ZNF516: variants seen among roughly 807,000 people sequenced by gnomAD.
The protein encoded by ZNF516 is zinc finger protein 516.
ZNF516 carries 19 observed loss-of-function variants against 79.7 expected under a neutral mutation model. The observed-to-expected ratio is 0.24, with a 90% CI of 0.17 to 0.35. ZNF516 has a LOEUF of 0.35. Ranked by LOEUF, ZNF516 falls within the 10% of genes least tolerant of loss-of-function variation. The probability of loss-of-function intolerance (pLI) is 1.00; values close to 1 mark genes in which losing one functional copy is unlikely to be tolerated. For missense variants in ZNF516, 1,678 were observed against 1,679.5 expected (o/e 1.00, Z 0.02); for synonymous variants, 877 against 739.5 (o/e 1.19, Z -3.02).
At chr18:76,407,164 A>C (rs689642) in intron 3 of ZNF516, among the ~76,000 whole-genome samples, 86,552 of 151,890 alleles carry the variant, frequency 0.57, 24,794 homozygotes, top group South Asian at 0.68. Flanking sequence ...CTATCATCTC[A>C]ACACTCTGGA....
At chr18:76,386,781 T>G (rs2074998707) in intron 3 of ZNF516, 1 of 152,224 alleles carries the variant, frequency 6.6e-6, no homozygotes, top group Non-Finnish European at 1.5e-5. Flanking sequence ...TTCAAGATTT[T>G]CCAGTTCTAT....
chr18:76,418,210 CTA>C (rs1317870771), intron 3 of ZNF516, among the ~76,000 whole-genome samples: 1 of 152,026 alleles, frequency 6.6e-6, no homozygotes, highest in Non-Finnish European at 1.5e-5. Flanking sequence ...GTAACACACG[CTA>C]TAACACACTG....
intron 3 of ZNF516, among the ~76,000 whole-genome samples, chr18:76,397,863 AG>A (rs1184849183): frequency 1.3e-5 from 2 of 152,206 alleles, no homozygotes; most frequent in Admixed American, 6.5e-5. Context: ...TCCAAGTGCT[AG>A]GATTACAGAC....
intron 3 of ZNF516, among the ~76,000 whole-genome samples, chr18:76,394,965 C>T (rs746056999): frequency 1.3e-5 from 2 of 152,116 alleles, no homozygotes; most frequent in Non-Finnish European, 2.9e-5. Context: ...CTGGAAGAAC[C>T]GGATGATATC....
intron 3 of ZNF516, among the ~76,000 whole-genome samples, chr18:76,436,170 A>G (rs2075731383): frequency 2.0e-5 from 3 of 152,124 alleles, no homozygotes; most frequent in Non-Finnish European, 4.4e-5. Flanking sequence ...TCTGCTTTTT[A>G]CCTTTACCCA....
chr18:76,374,738 T>G (rs1192575550), intron 4 of ZNF516, among the ~76,000 whole-genome samples: 1 of 152,128 alleles, frequency 6.6e-6, no homozygotes, highest in African/African-American at 2.4e-5. Context: ...CTCCCCAAAC[T>G]ACAAAATGAT....
chr18:76,488,804 G>A (rs1290553350), intron 1 of ZNF516, among the ~76,000 whole-genome samples: 2 of 152,142 alleles, frequency 1.3e-5, no homozygotes, highest in African/African-American at 4.8e-5. Flanking sequence ...TTGGCCAGCT[G>A]AAAACCAAAG....
chr18:76,411,604 G>A (rs1230285348), intron 3 of ZNF516, among the ~76,000 whole-genome samples: 3 of 152,154 alleles, frequency 2.0e-5, no homozygotes, highest in Non-Finnish European at 4.4e-5. Context: ...CAAAAGCATG[G>A]AAGGATGTGT....
At chr18:76,407,172 G>C (rs576362586) in intron 3 of ZNF516, among the ~76,000 whole-genome samples, 1 of 152,256 alleles carries the variant, frequency 6.6e-6, no homozygotes, top group East Asian at 1.9e-4. Flanking sequence ...TCAACACTCT[G>C]GAAGGCCAAG....
At chr18:76,398,604 T>C (rs1672165484) in intron 3 of ZNF516, among the ~76,000 whole-genome samples, 1 of 151,810 alleles carries the variant, frequency 6.6e-6, no homozygotes. Flanking sequence ...ATAACACTAG[T>C]TATGAAGGAA....
chr18:76,449,743 T>C (rs1912279473), intron 2 of ZNF516, among the ~76,000 whole-genome samples: 1 of 152,226 alleles, frequency 6.6e-6, no homozygotes, highest in Non-Finnish European at 1.5e-5. Context: ...GAATGAAATA[T>C]CAGTGCAAAG....
At chr18:76,471,668 T>C (rs1913850039) in intron 1 of ZNF516, among the ~76,000 whole-genome samples, 2 of 152,094 alleles carry the variant, frequency 1.3e-5, no homozygotes, top group Non-Finnish European at 1.5e-5. Flanking sequence ...CCCGTCACGC[T>C]AGATCCTGTC....
intron 3 of ZNF516, among the ~76,000 whole-genome samples, chr18:76,425,976 T>A (rs1044575004): frequency 6.6e-6 from 1 of 152,228 alleles, no homozygotes; most frequent in Non-Finnish European, 1.5e-5. Context: ...AGACGTCAAA[T>A]TAACATAAGA....
At chr18:76,372,587 AC>A (rs926626560) in intron 4 of ZNF516, 28 of 152,262 alleles carry the variant, frequency 1.8e-4, no homozygotes, top group African/African-American at 6.8e-4. Flanking sequence ...CCTTAGTCAC[AC>A]TGGTTGAAAA....
In ZNF516 at chr18:76,360,668, T is replaced by A. The variant is rs1410881729; in HGVS notation, c.*1830A>T. ...AAAAATATATATATATATATATATATATATATATATAAGCTAGCCAGTTAC... is the reference window on the plus strand; with the variant it reads ...AAAAATATATATATATATATATATAAATATATATATAAGCTAGCCAGTTAC... On this transcript the variant is annotated 3_prime_UTR_variant, in exon 7 of 7. Transcript: ENST00000443185. The A allele has an allele frequency of 1.6e-5, 2 of 124,832 alleles. No individual in the cohort carries two copies. Among genetic ancestry groups the A allele is most frequent in the African/African-American group, 5.7e-5 (2 of 34,930 alleles). 7.7% of individuals were successfully genotyped at this position (124,832 alleles called of 1,614,324 possible).
Position 76,488,285 on chromosome 18 carries a change from GC to G in ZNF516, c.-272+6858del. 4 of 981,134 alleles carry G rather than the reference GC, an allele frequency of 4.1e-6. No individual in the cohort carries two copies. The South Asian group carries it at 1.9e-4, about 46-fold the overall frequency. The allele number at this position is 981,134 out of a possible 1,614,324, so 60.8% of individuals were successfully genotyped here. Reference sequence around the variant, plus strand: ...TAATAAAATTAGTTCTTCACGTTTAGCCATTAACAATGCTGGAAGTGAAGCT... The same window carrying G: ...TAATAAAATTAGTTCTTCACGTTTAGCATTAACAATGCTGGAAGTGAAGCT... On this transcript the variant is annotated intron_variant, in intron 1 of 6. Coordinates refer to ENST00000443185, the MANE Select transcript of ZNF516 (RefSeq NM_014643.4).
At chr18:76,362,583 G>T in intron 6 of ZNF516, 26 bp from the exon 7 acceptor site, 1 of 1,596,434 alleles carries the variant, frequency 6.3e-7, no homozygotes, top group Non-Finnish European at 8.6e-7. Context: ...GAAAGAACAG[G>T]AGAAAAGCTC....
chr18:76,429,408 G>A (rs1000700017), intron 3 of ZNF516, among the ~76,000 whole-genome samples: 6 of 152,190 alleles, frequency 3.9e-5, no homozygotes, highest in Admixed American at 6.5e-5. Context: ...AGCAATCCAC[G>A]CTCCCCAGCC....
chr18:76,407,403 C>T (rs1016391372), intron 3 of ZNF516, among the ~76,000 whole-genome samples: 2 of 152,090 alleles, frequency 1.3e-5, no homozygotes, highest in African/African-American at 2.4e-5. Context: ...CCAGCCTGAG[C>T]GACAGAGACC....
Sources: allele counts gnomAD v4.1 joint callset (sites outside exome capture counted in the v4.1 genomes callset), GRCh38; gene constraint gnomAD v4.1.1; transcripts MANE v1.5; gene names NCBI Gene and HGNC (gene_info 2026-07-23, HGNC 2026-07-21).